Variants in ADGRB3 observed in about 807,000 individuals in gnomAD.
The protein encoded by ADGRB3 is adhesion G protein-coupled receptor B3.
In ADGRB3, 37 loss-of-function variants were observed where a neutral mutation model predicts 193.4. The observed-to-expected ratio is 0.19, with a 90% CI of 0.15 to 0.25. The LOEUF is 0.25. Among genes scored for constraint, ADGRB3 ranks in the 10% least tolerant of loss-of-function variants. The probability of loss-of-function intolerance (pLI) is 1.00; values close to 1 mark genes in which losing one functional copy is unlikely to be tolerated. For synonymous variants in ADGRB3, 690 were observed against 644.2 expected (o/e 1.07, Z -1.08); for missense variants, 1,637 against 1,852.9 (o/e 0.88, Z 2.14).
At chr6:68,870,836 G>T (rs1765435495) in intron 3 of ADGRB3, among the ~76,000 whole-genome samples, 1 of 152,190 alleles carries the variant, frequency 6.6e-6, no homozygotes, top group African/African-American at 2.4e-5. Context: ...TTAGAAGAAT[G>T]CCTGGCAAAT....
intron 13 of ADGRB3, among the ~76,000 whole-genome samples, chr6:69,042,660 C>G (rs1332479792): frequency 6.6e-6 from 1 of 152,162 alleles, no homozygotes; most frequent in Non-Finnish European, 1.5e-5. Context: ...TCTCCTGACC[C>G]TATATTTTTC....
At chr6:69,380,022 A>C (rs1380728928) in intron 30 of ADGRB3, among the ~76,000 whole-genome samples, 1 of 151,994 alleles carries the variant, frequency 6.6e-6, no homozygotes, top group Non-Finnish European at 1.5e-5. Context: ...TTTTTCCTGT[A>C]TACTTTTTAG....
At chr6:68,912,119 T>C (rs1289602627) in intron 3 of ADGRB3, among the ~76,000 whole-genome samples, 1 of 152,054 alleles carries the variant, frequency 6.6e-6, no homozygotes, top group Non-Finnish European at 1.5e-5. Context: ...CTAAGAATAA[T>C]TGAGTACTGT....
chr6:68,691,898 C>T (rs1765083217), intron 3 of ADGRB3, among the ~76,000 whole-genome samples: 1 of 151,234 alleles, frequency 6.6e-6, no homozygotes, highest in African/African-American at 2.4e-5. Context: ...ATATAGCCTC[C>T]ATTGGATATC....
intron 17 of ADGRB3, among the ~76,000 whole-genome samples, chr6:69,171,908 C>T (rs953014751): frequency 4.6e-5 from 7 of 152,194 alleles, no homozygotes; most frequent in Non-Finnish European, 7.3e-5. Flanking sequence ...ATAAGTACCT[C>T]ATTTCCCAGC....
At chr6:69,274,607 C>G (rs1767257372) in intron 20 of ADGRB3, among the ~76,000 whole-genome samples, 2 of 139,822 alleles carry the variant, frequency 1.4e-5, no homozygotes, top group African/African-American at 5.4e-5. Context: ...CCCTCCCTCC[C>G]TCCCTCCCTC....
chr6:69,085,084 C>T (rs928596782), intron 17 of ADGRB3, among the ~76,000 whole-genome samples: 3 of 151,820 alleles, frequency 2.0e-5, no homozygotes, highest in African/African-American at 7.3e-5. Flanking sequence ...AAAAAAATAC[C>T]CTCGGTGAAA....
chr6:69,014,567 T>C (rs915671507), intron 12 of ADGRB3, among the ~76,000 whole-genome samples: 7 of 152,164 alleles, frequency 4.6e-5, no homozygotes, highest in African/African-American at 1.7e-4. Context: ...AATTATGTTA[T>C]GATTTTTTAA....
chr6:68,798,679 T>A (rs1767258357), intron 3 of ADGRB3, among the ~76,000 whole-genome samples: 1 of 152,168 alleles, frequency 6.6e-6, no homozygotes, highest in Non-Finnish European at 1.5e-5. Context: ...ACTTAAAGTA[T>A]AGTAAGAACA....
At chr6:68,729,817 AT>A (rs948299099) in intron 3 of ADGRB3, among the ~76,000 whole-genome samples, 2 of 151,622 alleles carry the variant, frequency 1.3e-5, no homozygotes, top group Admixed American at 6.6e-5. Flanking sequence ...ACAAAGACAC[AT>A]TTTTTTCCTA....
intron 13 of ADGRB3, among the ~76,000 whole-genome samples, chr6:69,033,885 T>C (rs1770788062): frequency 6.6e-6 from 1 of 152,076 alleles, no homozygotes; most frequent in Non-Finnish European, 1.5e-5. Context: ...TAATTGTCTA[T>C]ACTGGACAGT....
chr6:68,748,605 T>C (rs1162222554), intron 3 of ADGRB3, among the ~76,000 whole-genome samples: 2 of 152,162 alleles, frequency 1.3e-5, no homozygotes, highest in Non-Finnish European at 2.9e-5. Context: ...CCCTCTTGGC[T>C]CCTTTCATGG....
At chr6:69,048,830 C>G (rs1417032873) in intron 14 of ADGRB3, among the ~76,000 whole-genome samples, 1 of 152,034 alleles carries the variant, frequency 6.6e-6, no homozygotes, top group Non-Finnish European at 1.5e-5. Context: ...CACATGTACT[C>G]CTGAACTTAA....
chr6:69,114,289 T>C (rs1773459318), intron 17 of ADGRB3, among the ~76,000 whole-genome samples: 1 of 152,204 alleles, frequency 6.6e-6, no homozygotes, highest in Admixed American at 6.5e-5. Flanking sequence ...CTCCAAACTC[T>C]TGAAAATTAT....
chr6:69,348,814 T>G (rs1769163317), intron 26 of ADGRB3, among the ~76,000 whole-genome samples: 1 of 152,242 alleles, frequency 6.6e-6, no homozygotes, highest in South Asian at 2.1e-4. Flanking sequence ...AGGTTCAAAC[T>G]GAAAACTTAT....
At chr6:69,113,741 C>T (rs1463024647) in intron 17 of ADGRB3, among the ~76,000 whole-genome samples, 1 of 152,084 alleles carries the variant, frequency 6.6e-6, no homozygotes, top group Non-Finnish European at 1.5e-5. Context: ...GTTATTTATT[C>T]AAGGCCTTTT....
intron 3 of ADGRB3, among the ~76,000 whole-genome samples, chr6:68,867,564 C>A (rs1017581941): frequency 6.6e-6 from 1 of 152,118 alleles, no homozygotes; most frequent in Admixed American, 6.5e-5. Flanking sequence ...TACAAAGAAG[C>A]CACCATTCTC....
At chr6:68,812,369 C>T (rs930507869) in intron 3 of ADGRB3, among the ~76,000 whole-genome samples, 2 of 151,762 alleles carry the variant, frequency 1.3e-5, no homozygotes, top group Non-Finnish European at 2.9e-5. Context: ...TTAAAGGAAA[C>T]CCACTTTTGA....
intron 3 of ADGRB3, among the ~76,000 whole-genome samples, chr6:68,815,617 G>GCA (rs946176625): frequency 6.9e-6 from 1 of 144,566 alleles, no homozygotes; most frequent in African/African-American, 2.4e-5. Context: ...GTGTGTGTGT[G>GCA]TGTGTGTGTG....
Sources: allele counts gnomAD v4.1 joint callset (sites outside exome capture counted in the v4.1 genomes callset), GRCh38; gene constraint gnomAD v4.1.1; transcripts MANE v1.5; gene names NCBI Gene and HGNC (gene_info 2026-07-23, HGNC 2026-07-21).